The following ESRRB variants were observed in gnomAD, a reference collection of about 807,000 sequenced individuals.
The protein encoded by ESRRB is estrogen related receptor beta.
A neutral mutation model predicts 46.0 loss-of-function variants in ESRRB; 16 were observed. That is an observed-to-expected ratio of 0.35 (90% CI 0.24 to 0.53). The LOEUF is 0.53. Ranked by LOEUF, ESRRB falls within the 20% of genes least tolerant of loss-of-function variation. The pLI is 0.93. For synonymous variants in ESRRB, 246 were observed against 259.6 expected (o/e 0.95, Z 0.50); for missense variants, 488 against 607.4 (o/e 0.80, Z 2.07).
chr14:76,389,001 C>A (rs1050870814), intron 1 of ESRRB, among the ~76,000 whole-genome samples: 1 of 152,186 alleles, frequency 6.6e-6, no homozygotes, highest in African/African-American at 2.4e-5. Context: ...ACACTCTAAA[C>A]CTGCTTATCC....
chr14:76,369,555 C>T (rs1016754434), upstream of ESRRB, among the ~76,000 whole-genome samples: 7 of 152,036 alleles, frequency 4.6e-5, no homozygotes, highest in East Asian at 1.9e-4. Flanking sequence ...ATTATAGGCA[C>T]GAGCCACCAC....
chr14:76,445,922 G>A lies in ESRRB; in HGVS notation c.460+6172G>A, dbSNP rs572135072. Reference sequence around the variant, plus strand: ...GCTGGTCTCCAACTCTTGATCTCAAGTGATCCACCCACCTCAGCCTCCCAA... The same window carrying A: ...GCTGGTCTCCAACTCTTGATCTCAAATGATCCACCCACCTCAGCCTCCCAA... On this transcript the variant is annotated intron_variant, in intron 2 of 6. Transcript: ENST00000644823. Among the ~76,000 whole-genome samples, 16 of 152,270 alleles carry A rather than the reference G, an allele frequency of 1.1e-4. No individual in the cohort carries two copies. The South Asian group carries it at 3.3e-3, about 32-fold the overall frequency.
upstream of ESRRB, among the ~76,000 whole-genome samples, chr14:76,367,689 G>A (rs1884539864): frequency 2.0e-5 from 3 of 152,168 alleles, no homozygotes; most frequent in Admixed American, 6.5e-5. Flanking sequence ...CTTAGGCACT[G>A]GGAGTAGAGG....
At chr14:76,322,270 G>A (rs61981691) in intron 1 of ESRRB, among the ~76,000 whole-genome samples, 8,447 of 152,202 alleles carry the variant, frequency 0.055, 317 homozygotes, top group Middle Eastern at 0.14. Context: ...ATCAGTCTTA[G>A]CTTTCCTTTG....
At chr14:76,351,743 G>A (rs1396829585) in intron 1 of ESRRB, among the ~76,000 whole-genome samples, 1 of 152,108 alleles carries the variant, frequency 6.6e-6, no homozygotes, top group Non-Finnish European at 1.5e-5. Context: ...CAGAGCATAT[G>A]ACCTCTTCTC....
At chr14:76,355,452 G>A (rs116182743) in intron 1 of ESRRB, among the ~76,000 whole-genome samples, 3,767 of 152,100 alleles carry the variant, frequency 0.025, 148 homozygotes, top group African/African-American at 0.087. Flanking sequence ...CACTTGTTTC[G>A]TCTGCCACGT....
intron 1 of ESRRB, among the ~76,000 whole-genome samples, chr14:76,398,678 G>T (rs915416751): frequency 6.6e-6 from 1 of 152,174 alleles, no homozygotes; most frequent in African/African-American, 2.4e-5. Context: ...TTGGCATTGG[G>T]CATTGCATTC....
chr14:76,410,924 C>T (rs1886409431), intron 1 of ESRRB, among the ~76,000 whole-genome samples: 1 of 151,960 alleles, frequency 6.6e-6, no homozygotes, highest in African/African-American at 2.4e-5. Context: ...GCTGAGATTA[C>T]AGGCAAGTGC....
chr14:76,333,429 T>A lies in ESRRB; in HGVS notation c.2+22513T>A, dbSNP rs1157974116. 3.8e-5 allele frequency among the ~76,000 whole-genome samples: 4 copies of A among 106,208 alleles called. 1 individual carries two copies. Among genetic ancestry groups the A allele is most frequent in the Admixed American group, 1.1e-4 (1 of 8,912 alleles). 69.7% of individuals were successfully genotyped at this position (106,208 alleles called of 152,430 possible). On this transcript the variant is annotated intron_variant, in intron 1 of 6. Coordinates refer to the ESRRB transcript ENST00000512784. ...ATATGATATATTTATATCATATATATATTTATATATGATATATAAGTATAT... is the reference window on the plus strand; with the variant it reads ...ATATGATATATTTATATCATATATAAATTTATATATGATATATAAGTATAT...
intron 1 of ESRRB, among the ~76,000 whole-genome samples, chr14:76,408,909 A>G (rs1248895324): frequency 1.3e-5 from 2 of 152,216 alleles, no homozygotes; most frequent in Non-Finnish European, 2.9e-5. Flanking sequence ...TATTACACAT[A>G]TCATCTCTTT....
intron 1 of ESRRB, among the ~76,000 whole-genome samples, chr14:76,416,675 G>T (rs1886718356): frequency 6.6e-6 from 1 of 151,554 alleles, no homozygotes; most frequent in Admixed American, 6.6e-5. Context: ...CACCATGTTG[G>T]CCAGGCTGGT....
chr14:76,461,807 G>A (rs568356885), intron 2 of ESRRB, among the ~76,000 whole-genome samples: 12 of 152,256 alleles, frequency 7.9e-5, no homozygotes, highest in South Asian at 6.2e-4. Flanking sequence ...CACTGTACCC[G>A]GCCTGGTAGC....
chr14:76,472,000 C>T (rs1889391462), intron 3 of ESRRB, among the ~76,000 whole-genome samples: 2 of 152,178 alleles, frequency 1.3e-5, no homozygotes, highest in Admixed American at 1.3e-4. Context: ...CATGCCTGAT[C>T]TGGTCAACTG....
Position 76,333,029 on chromosome 14 carries a change from A to ATATATAT in ESRRB, c.2+22156_2+22162dup, listed in dbSNP as rs1198027132. Among the ~76,000 whole-genome samples, 53 of 6,668 alleles carry ATATATAT rather than the reference A, an allele frequency of 7.9e-3. 2 individuals are homozygous for ATATATAT. Among genetic ancestry groups the ATATATAT allele is most frequent in the African/African-American group, 0.011 (23 of 2,082 alleles). The allele number at this position is 6,668 out of a possible 152,430, so 4.4% of individuals were successfully genotyped here. A position where few individuals can be genotyped will look rare whatever the true frequency, so the allele number is the denominator to read the frequency against. On this transcript the variant is annotated intron_variant, in intron 1 of 6. Coordinates refer to the ESRRB transcript ENST00000512784. ...ATTATATATTTATATATTATATATT[A>ATATATAT]TATATATTATATATTATATATTATA...
Position 76,357,903 on chromosome 14 carries a change from T to C in ESRRB, c.2+46987T>C, listed in dbSNP as rs150942027. Among the ~76,000 whole-genome samples the C allele has an allele frequency of 1.5e-3, 226 of 152,196 alleles. 2 individuals carry two copies. The highest frequency in any genetic ancestry group is 3.4e-3 in the Middle Eastern group (1 of 294). ...GGATAAAATACAAAACTACATAAAA[T>C]ATATGTGCAGAAGGGAATGAGCAAC... On this transcript the variant is annotated intron_variant, in intron 1 of 6. Transcript: ENST00000512784.
chr14:76,316,111 C>T (rs1025819555), intron 1 of ESRRB, among the ~76,000 whole-genome samples: 1 of 152,182 alleles, frequency 6.6e-6, no homozygotes, highest in Non-Finnish European at 1.5e-5. Context: ...TTTTATAGGG[C>T]AGCTGGTGAC....
At chr14:76,329,115 G>T (rs186559316) in intron 1 of ESRRB, among the ~76,000 whole-genome samples, 1 of 152,184 alleles carries the variant, frequency 6.6e-6, no homozygotes, top group African/African-American at 2.4e-5. Flanking sequence ...AAAGCAATTG[G>T]GTACCCGTTT....
chr14:76,501,759 A>C lies in ESRRB; in HGVS notation c.*3301A>C, dbSNP rs570016872. 3 of 152,218 alleles carry C rather than the reference A, an allele frequency of 2.0e-5. No individual in the cohort carries two copies. The highest frequency in any genetic ancestry group is 4.8e-5 in the African/African-American group (2 of 41,528). The allele number at this position is 152,218 out of a possible 1,614,324, so 9.4% of individuals were successfully genotyped here. ...TGCCTCTGTATATGTTCTCCCAGAA[A>C]CCCCCATGTAAATCAAATGCCCTAG... On this transcript the variant is annotated 3_prime_UTR_variant, in exon 7 of 7. Transcript: ENST00000644823.
chr14:76,430,768 G>A (rs554177958), intron 1 of ESRRB, among the ~76,000 whole-genome samples: 1 of 152,330 alleles, frequency 6.6e-6, no homozygotes, highest in Admixed American at 6.5e-5. Flanking sequence ...CAGGCTTGTA[G>A]CCATTAAGTG....
Sources: allele counts gnomAD v4.1 joint callset (sites outside exome capture counted in the v4.1 genomes callset), GRCh38; gene constraint gnomAD v4.1.1; transcripts MANE v1.5; gene names NCBI Gene and HGNC (gene_info 2026-07-23, HGNC 2026-07-21).